COL17A1: variants seen among roughly 807,000 people sequenced by gnomAD.
COL17A1 encodes collagen type XVII alpha 1 chain.
In COL17A1, 181 loss-of-function variants were observed where a neutral mutation model predicts 218.4. The observed-to-expected ratio is 0.83, with a 90% CI of 0.73 to 0.94. COL17A1 has a LOEUF of 0.94. Among genes scored for constraint, COL17A1 ranks in the 40% least tolerant of loss-of-function variants. The probability of loss-of-function intolerance (pLI) is 0.00; values close to 1 mark genes in which losing one functional copy is unlikely to be tolerated. For missense variants in COL17A1, 1,924 were observed against 1,945.9 expected (o/e 0.99, Z 0.21); for synonymous variants, 721 against 731.0 (o/e 0.99, Z 0.22).
chr10:104,038,637 G>T, intron 44 of COL17A1, 109 bp from the exon 45 acceptor site: 1 of 1,395,378 alleles, frequency 7.2e-7, no homozygotes, highest in Non-Finnish European at 1.0e-6. Flanking sequence ...CTCAGGAGGA[G>T]AAATAGGATA....
In COL17A1 at chr10:104,032,070, T is replaced by C. The variant is rs891717325; in HGVS notation, c.*165A>G. On this transcript the variant is annotated 3_prime_UTR_variant, in exon 56 of 56. Transcript: ENST00000648076. Reference sequence around the variant, plus strand: ...AGATTGTGTATCTTTGACTGAATTCTATAAGTATATATTGTTCAGACTAAA... The same window carrying C: ...AGATTGTGTATCTTTGACTGAATTCCATAAGTATATATTGTTCAGACTAAA... The C allele has an allele frequency of 3.7e-5, 24 of 651,966 alleles. No homozygotes were observed. The Middle Eastern group carries it at 1.6e-3, about 43-fold the overall frequency. The allele number at this position is 651,966 out of a possible 1,614,324, so 40.4% of individuals were successfully genotyped here.
rs1394378561 is a variant in COL17A1 at position 104,053,985 on chromosome 10, G to A, written c.1772-3C>T. 6.2e-7 allele frequency: 1 copy of A among 1,611,918 alleles called. No homozygotes were observed. The highest frequency in any genetic ancestry group is 1.7e-5 in the Admixed American group (1 of 59,984). On this transcript the variant is annotated splice_region_variant and splice_polypyrimidine_tract_variant and intron_variant, in intron 21 of 55. Coordinates refer to ENST00000648076, the MANE Select transcript of COL17A1 (RefSeq NM_000494.4). ...GTGGCCCAAGGGCCCAGGGATACCT[G>A]TGAACACACAAGGATATCTCAGCCC...
chr10:104,039,765 G>A, intron 41 of COL17A1, 125 bp from the exon 42 acceptor site: 2 of 1,119,024 alleles, frequency 1.8e-6, no homozygotes, highest in Admixed American at 2.2e-5. Flanking sequence ...ACCTAGAGAT[G>A]CCACACACAC....
rs974970771 is a variant in COL17A1 at position 104,034,534 on chromosome 10, G to A, written c.3766+87C>T. On this transcript the variant is annotated intron_variant, in intron 51 of 55. Transcript: ENST00000648076. Reference sequence around the variant, plus strand: ...CCAGTGGCTCTCGTGTGGCCTTCCTGTCCCTTTAAGTGCCTCCCTGCCCCA... The same window carrying A: ...CCAGTGGCTCTCGTGTGGCCTTCCTATCCCTTTAAGTGCCTCCCTGCCCCA... The A allele has an allele frequency of 1.9e-6, 3 of 1,548,840 alleles. No individual in the cohort carries two copies. In the African/African-American group the frequency reaches 4.1e-5, roughly 21 times the overall value.
intron 32 of COL17A1, 91 bp downstream of exon 32, chr10:104,046,656 A>G: frequency 7.7e-7 from 1 of 1,293,618 alleles, no homozygotes; most frequent in East Asian, 2.3e-5. Flanking sequence ...GGAGGAGAGG[A>G]AACTCTGGTG....
At chr10:104,060,512 A>G (rs902071085) in intron 13 of COL17A1, among the ~76,000 whole-genome samples, 2 of 152,144 alleles carry the variant, frequency 1.3e-5, no homozygotes, top group African/African-American at 4.8e-5. Context: ...GGTCAATGTC[A>G]GAAGCTCTGG....
intron 7 of COL17A1, among the ~76,000 whole-genome samples, chr10:104,072,481 C>T (rs571810053): frequency 2.1e-4 from 32 of 152,316 alleles, no homozygotes; most frequent in South Asian, 1.9e-3. Context: ...CCATTTTGGC[C>T]TCTTCAGAGA....
intron 23 of COL17A1, 144 bp from the exon 24 acceptor site, chr10:104,052,361 G>T: frequency 2.0e-6 from 2 of 991,140 alleles, no homozygotes; most frequent in Non-Finnish European, 1.6e-6. Flanking sequence ...CCACTTATCA[G>T]CAAAACTCCT....
intron 45 of COL17A1, among the ~76,000 whole-genome samples, 194 bp downstream of exon 45, chr10:104,038,212 C>T (rs2086320308): frequency 6.7e-6 from 1 of 148,800 alleles, no homozygotes; most frequent in South Asian, 2.1e-4. Flanking sequence ...AGACCTGGGC[C>T]TGGACACATA....
rs767439023 is a variant in COL17A1, at chr10:104,054,961, A to T, written c.1744+20T>A. ...AACACTTGCTAATATTTAAGGTAAA[A>T]ATGCCCATGTTATAATTACCTTTAG... On this transcript the variant is annotated intron_variant, in intron 20 of 55. Coordinates refer to ENST00000648076, the MANE Select transcript of COL17A1 (RefSeq NM_000494.4). 14 of 1,613,980 alleles carry T rather than the reference A, an allele frequency of 8.7e-6. No homozygotes were observed. Among genetic ancestry groups the T allele is most frequent in the Non-Finnish European group, 1.2e-5 (14 of 1,180,000 alleles).
chr10:104,074,569 C>T (rs1384036307), intron 5 of COL17A1, among the ~76,000 whole-genome samples: 1 of 152,198 alleles, frequency 6.6e-6, no homozygotes, highest in Non-Finnish European at 1.5e-5. Context: ...AAGTGACCTG[C>T]CCTGATCAAG....
chr10:104,051,902 C>T (rs150902985), intron 24 of COL17A1, among the ~76,000 whole-genome samples: 89 of 152,290 alleles, frequency 5.8e-4, no homozygotes, highest in African/African-American at 2.0e-3. Flanking sequence ...TTAGGGATCA[C>T]ATAACGGGGC....
rs754507180 is a variant in COL17A1, at chr10:104,038,453, C to T, written c.3023G>A (p.Ser1008Asn). The change falls in exon 45 of 56, where the codon AGC becomes AAC. Residue 1008 changes from serine (S) to asparagine (N), a missense_variant. Coordinates refer to ENST00000648076, the MANE Select transcript of COL17A1 (RefSeq NM_000494.4). Reference protein sequence around the residue: ...PGPPGPPGSISSSGQEIQQYI... With the variant: ...PGPPGPPGSINSSGQEIQQYI... ...CTGCTGAATCTCCTGGCCAGAGCTG[C>T]TGATAGAGCCCGGAGGCCCAGGGGG... The T allele has an allele frequency of 6.2e-7, 1 of 1,613,910 alleles. No individual in the cohort carries two copies. Among genetic ancestry groups the T allele is most frequent in the Non-Finnish European group, 8.5e-7 (1 of 1,180,004 alleles).
chr10:104,070,473 T>C lies in COL17A1; in HGVS notation c.560A>G (p.Lys187Arg). 2.5e-6 allele frequency: 4 copies of C among 1,614,186 alleles called. No homozygotes were observed. Among genetic ancestry groups the C allele is most frequent in the Non-Finnish European group, 3.4e-6 (4 of 1,180,042 alleles). The change falls in exon 9 of 56, where the codon AAG becomes AGG. Residue 187 changes from lysine (K) to arginine (R), a missense_variant. Coordinates refer to ENST00000648076, the MANE Select transcript of COL17A1 (RefSeq NM_000494.4). ...AATTTTGGTCTCCACAGTGCCTTTC[T>C]TGGGGATGGGGAGTGTGTTGGAGGA... Reference protein sequence around the residue: ...RNSSNTLPIPKKGTVETKIVT... With the variant: ...RNSSNTLPIPRKGTVETKIVT...
intron 29 of COL17A1, 100 bp from the exon 30 acceptor site, chr10:104,048,204 G>C: frequency 1.5e-6 from 2 of 1,311,606 alleles, no homozygotes; most frequent in Non-Finnish European, 2.2e-6. Flanking sequence ...TGTGTCCCAG[G>C]AGCCCACGCA....
intron 9 of COL17A1, among the ~76,000 whole-genome samples, chr10:104,067,334 T>TAAAAAAAAAA (rs58260510): frequency 2.7e-5 from 3 of 110,430 alleles, no homozygotes; most frequent in Admixed American, 1.1e-4. Flanking sequence ...GGCTCAGGAA[T>TAAAAAAAAAA]AAAAAAAAAA....
chr10:104,061,889 G>A (rs1231595829), intron 12 of COL17A1, among the ~76,000 whole-genome samples: 1 of 152,164 alleles, frequency 6.6e-6, no homozygotes, highest in African/African-American at 2.4e-5. Context: ...CCCCCAGGTT[G>A]GCACAGCGGT....
At chr10:104,038,845 G>T (rs1038427398) in intron 44 of COL17A1, among the ~76,000 whole-genome samples, 5 of 152,124 alleles carry the variant, frequency 3.3e-5, no homozygotes, top group African/African-American at 9.7e-5. Context: ...CCATCATGCG[G>T]TGTCTGCATT....
chr10:104,077,700 TTTTGTTTTG>T (rs1478928523), intron 3 of COL17A1, among the ~76,000 whole-genome samples, 174 bp from the exon 4 acceptor site: 2 of 1,002 alleles, frequency 2.0e-3, no homozygotes, highest in Non-Finnish European at 0.01. Flanking sequence ...TTCGTTGGTT[TTTTGTTTTG>T]TTTTGTTTTG....
Sources: allele counts gnomAD v4.1 joint callset (sites outside exome capture counted in the v4.1 genomes callset), GRCh38; gene constraint gnomAD v4.1.1; transcripts MANE v1.5; gene names NCBI Gene and HGNC (gene_info 2026-07-23, HGNC 2026-07-21).